Variants in RCC1L observed in about 807,000 individuals in gnomAD.
The protein encoded by RCC1L is RCC1 like.
RCC1L carries 46 observed loss-of-function variants against 58.6 expected under a neutral mutation model. That is an observed-to-expected ratio of 0.79 (90% confidence interval 0.62 to 1.00). The LOEUF (loss-of-function observed/expected upper bound fraction) is 1.00, where lower values mean the gene tolerates loss of function less well. RCC1L is among the 50% of genes least tolerant of loss of function. The pLI, the probability that RCC1L is intolerant of heterozygous loss-of-function variation, is 0.00. For missense variants in RCC1L, 636 were observed against 623.6 expected (o/e 1.02, Z -0.21); for synonymous variants, 281 against 262.9 (o/e 1.07, Z -0.67).
intron 10 of RCC1L, among the ~76,000 whole-genome samples, chr7:75,028,309 C>T (rs906811267): frequency 9.2e-5 from 14 of 152,006 alleles, no homozygotes; most frequent in Admixed American, 2.0e-4. Context: ...TTGGTAGAGA[C>T]GGGGTTTCAC....
Sources: gnomAD v4.1 joint callset for allele counts (sites outside exome capture counted in the v4.1 genomes callset) on GRCh38, gnomAD v4.1.1 for gene constraint, MANE v1.5 for transcripts, NCBI Gene and HGNC (gene_info 2026-07-23, HGNC 2026-07-21) for gene names.